MLLT1: variants seen among roughly 807,000 people sequenced by gnomAD.
MLLT1 encodes protein ENL.
MLLT1 carries 11 observed loss-of-function variants against 55.1 expected under a neutral mutation model. That is an observed-to-expected ratio of 0.20 (90% CI 0.13 to 0.33). The LOEUF (loss-of-function observed/expected upper bound fraction) is 0.33, where lower values mean the gene tolerates loss of function less well. MLLT1 is among the 10% of genes least tolerant of loss of function. MLLT1 has a pLI of 1.00. For missense variants in MLLT1, 536 were observed against 760.6 expected, an observed-to-expected ratio of 0.70 and a Z score of 3.47; for synonymous variants, 323 against 320.1, an observed-to-expected ratio of 1.01 and a Z score of -0.10.
chr19:6,250,469 G>A (rs1411275456), intron 3 of MLLT1, among the ~76,000 whole-genome samples: 1 of 152,108 alleles, frequency 6.6e-6, no homozygotes, highest in Non-Finnish European at 1.5e-5. Context: ...ACACCCTCTG[G>A]ATACCAAAGT....
At chr19:6,275,300 G>C (rs1302265604) in intron 1 of MLLT1, among the ~76,000 whole-genome samples, 1 of 152,184 alleles carries the variant, frequency 6.6e-6, no homozygotes, top group Non-Finnish European at 1.5e-5. Flanking sequence ...CAGGAGAGGA[G>C]AACACTGAGG....
chr19:6,258,335 C>T (rs1186741014), intron 3 of MLLT1, among the ~76,000 whole-genome samples: 7 of 151,020 alleles, frequency 4.6e-5, no homozygotes, highest in Non-Finnish European at 8.9e-5. Flanking sequence ...TACCTCCTCA[C>T]TGAAGTTCAT....
At position 6,229,348 on chromosome 19, in the gene MLLT1, C is replaced by T. The variant is rs2090983937; in HGVS notation, c.420+1222G>A. On this transcript the variant is annotated intron_variant, in intron 4 of 11. Coordinates refer to ENST00000252674, the MANE Select transcript of MLLT1 (RefSeq NM_005934.4). The surrounding 1 kb of genome is among the most constrained non-coding windows in gnomAD (Gnocchi z 5.2). ...AGGATCACAGCAGGACTCACTCAAGCTTCTACATGGACAGACGCCTCCTTC... is the reference window on the plus strand; with the variant it reads ...AGGATCACAGCAGGACTCACTCAAGTTTCTACATGGACAGACGCCTCCTTC... Among the ~76,000 whole-genome samples the T allele has an allele frequency of 6.6e-6, 1 of 152,100 alleles. No homozygotes were observed. Among genetic ancestry groups the T allele is most frequent in the Admixed American group, 6.5e-5 (1 of 15,276 alleles).
rs1239880305 is a variant in MLLT1, at chr19:6,230,001, C to T, written c.420+569G>A. ...CAGGCCTCAGCCTGCACGTCCCTCC[C>T]TCCACGCCCCCCTCCTCCATAACCA... On this transcript the variant is annotated intron_variant, in intron 4 of 11. Coordinates refer to ENST00000252674, the MANE Select transcript of MLLT1 (RefSeq NM_005934.4). The surrounding 1 kb of genome is among the most constrained non-coding windows in gnomAD (Gnocchi z 9.0). Among the ~76,000 whole-genome samples the T allele has an allele frequency of 6.6e-6, 1 of 152,130 alleles. No homozygotes were observed. The highest frequency in any genetic ancestry group is 2.4e-5 in the African/African-American group (1 of 41,428).
intron 3 of MLLT1, among the ~76,000 whole-genome samples, chr19:6,251,128 GT>G (rs1438521174): frequency 6.6e-6 from 1 of 152,140 alleles, no homozygotes; most frequent in Non-Finnish European, 1.5e-5. Flanking sequence ...CTGGCACAAG[GT>G]TTCCTTCCGG....
At chr19:6,243,547 A>G (rs1309453102) in intron 3 of MLLT1, among the ~76,000 whole-genome samples, 1 of 152,204 alleles carries the variant, frequency 6.6e-6, no homozygotes, top group Non-Finnish European at 1.5e-5. Flanking sequence ...CCAAAGAGGC[A>G]GGTGAACCCA....
At chr19:6,277,260 G>C (rs961256828) in intron 1 of MLLT1, among the ~76,000 whole-genome samples, 2 of 152,194 alleles carry the variant, frequency 1.3e-5, no homozygotes, top group African/African-American at 4.8e-5. Context: ...AGCTTTGCTG[G>C]GGAAGCTAGA....
At chr19:6,253,654 G>C (rs1294635867) in intron 3 of MLLT1, among the ~76,000 whole-genome samples, 1 of 152,154 alleles carries the variant, frequency 6.6e-6, no homozygotes, top group Admixed American at 6.5e-5. Context: ...TCCCAGGAAT[G>C]CAAGGCGGCA....
chr19:6,239,730 ACACT>A (rs1432893023), intron 3 of MLLT1, among the ~76,000 whole-genome samples: 3 of 148,328 alleles, frequency 2.0e-5, no homozygotes, highest in South Asian at 4.1e-4. Context: ...CCACACTCAT[ACACT>A]CAGACTTACA....
At chr19:6,243,775 G>A (rs1343998144) in intron 3 of MLLT1, among the ~76,000 whole-genome samples, 1 of 152,128 alleles carries the variant, frequency 6.6e-6, no homozygotes, top group Non-Finnish European at 1.5e-5. Context: ...CGGGCACGGT[G>A]GCTCACGCCT....
rs183445057 is a variant in MLLT1 at position 6,277,242 on chromosome 19, T to C, written c.12+2531A>G. Among the ~76,000 whole-genome samples, 43 of 152,344 alleles carry C rather than the reference T, an allele frequency of 2.8e-4. No homozygotes were observed. The East Asian group carries it at 6.6e-3, about 23-fold the overall frequency. On this transcript the variant is annotated intron_variant, in intron 1 of 11. Coordinates refer to ENST00000252674, the MANE Select transcript of MLLT1 (RefSeq NM_005934.4). Reference sequence around the variant, plus strand: ...AGAACCCTTGGGCCTCTCTCAAATTTGCATGAAAGCTTTGCTGGGGAAGCT... The same window carrying C: ...AGAACCCTTGGGCCTCTCTCAAATTCGCATGAAAGCTTTGCTGGGGAAGCT...
chr19:6,260,591 C>T (rs1429180575), intron 3 of MLLT1, among the ~76,000 whole-genome samples: 1 of 152,270 alleles, frequency 6.6e-6, no homozygotes, highest in African/African-American at 2.4e-5. Context: ...AGCCGGAGCC[C>T]CTTGCCTGAG....
In MLLT1 at chr19:6,217,984, C is replaced by T; in HGVS notation, c.1168G>A (p.Asp390Asn). The T allele has an allele frequency of 6.2e-7, 1 of 1,607,224 alleles. No homozygotes were observed. Among genetic ancestry groups the T allele is most frequent in the Non-Finnish European group, 8.5e-7 (1 of 1,177,076 alleles). The change falls in exon 7 of 12, where the codon GAC becomes AAC. Residue 390 changes from aspartate (D) to asparagine (N), a missense_variant. Coordinates refer to ENST00000252674, the MANE Select transcript of MLLT1 (RefSeq NM_005934.4). Reference protein sequence around the residue: ...SSSSDSSSDSDFEPSQNHSQG... With the variant: ...SSSSDSSSDSNFEPSQNHSQG... The stretch of plus-strand genomic sequence containing the variant: ...CTGTGGTTCTGGGATGGCTCGAAGT[C>T]TGAGTCTGAGCTGGAGTCTGAGCTG...
At chr19:6,244,705 T>C (rs751548651) in intron 3 of MLLT1, among the ~76,000 whole-genome samples, 16 of 152,186 alleles carry the variant, frequency 1.1e-4, no homozygotes, top group Non-Finnish European at 2.1e-4. Flanking sequence ...CCAGAGTATA[T>C]ACAGAACTCT....
chr19:6,255,840 T>C (rs904380599), intron 3 of MLLT1, among the ~76,000 whole-genome samples: 67 of 152,176 alleles, frequency 4.4e-4, no homozygotes, highest in Admixed American at 4.4e-3. Context: ...CAAAACTTCC[T>C]ACAAGGCTGG....
chr19:6,270,517 C>T lies in MLLT1; in HGVS notation c.193+62G>A, dbSNP rs769987577. On this transcript the variant is annotated intron_variant, in intron 2 of 11. Transcript: ENST00000252674. This position sits in a 1 kb window ranked among gnomAD's most constrained non-coding sequence, Gnocchi z 7.1. The stretch of plus-strand genomic sequence containing the variant: ...TCCTGAGGGAGGGGTGGAGCCTGGC[C>T]TTGGGAGGAGTGAAGACAGATGGGT... 2.7e-5 allele frequency: 41 copies of T among 1,525,736 alleles called. No individual in the cohort carries two copies. The highest frequency in any genetic ancestry group is 3.5e-5 in the Non-Finnish European group (40 of 1,130,276). The allele number at this position is 1,525,736 out of a possible 1,614,324, so 94.5% of individuals were successfully genotyped here.
At chr19:6,241,482 A>AT (rs11448299) in intron 3 of MLLT1, among the ~76,000 whole-genome samples, 56,260 of 152,164 alleles carry the variant, frequency 0.37, 13,118 homozygotes, top group African/African-American at 0.66. Context: ...GAGATAGGAA[A>AT]TTGGGGAACA....
intron 6 of MLLT1, among the ~76,000 whole-genome samples, chr19:6,221,633 C>CT (rs2090897534): frequency 6.6e-6 from 1 of 152,226 alleles, no homozygotes; most frequent in South Asian, 2.1e-4. Flanking sequence ...GGGCACGGAC[C>CT]TGTTGCTCCT....
chr19:6,226,899 G>A lies in MLLT1; in HGVS notation c.546+78C>T. 2 of 1,319,656 alleles carry A rather than the reference G, an allele frequency of 1.5e-6. No individual in the cohort carries two copies. Among genetic ancestry groups the A allele is most frequent in the Non-Finnish European group, 2.0e-6 (2 of 1,000,562 alleles). The allele number at this position is 1,319,656 out of a possible 1,614,324, so 81.7% of individuals were successfully genotyped here. On this transcript the variant is annotated intron_variant, in intron 5 of 11. Coordinates refer to ENST00000252674, the MANE Select transcript of MLLT1 (RefSeq NM_005934.4). The surrounding 1 kb of genome is among the most constrained non-coding windows in gnomAD (Gnocchi z 6.3). ...CAGGTGCGGAAGGCCCAGCCCAGTG[G>A]AGGGAGGGCGCCGGGGCCAGACCCA...
Sources: gnomAD v4.1 joint callset for allele counts (sites outside exome capture counted in the v4.1 genomes callset) on GRCh38, gnomAD v4.1.1 for gene constraint, Gnocchi (gnomAD v3.1) non-coding constraint, MANE v1.5 for transcripts, NCBI Gene and HGNC (gene_info 2026-07-23, HGNC 2026-07-21) for gene names.